The following CSMD3 variants were observed in gnomAD, a reference collection of about 807,000 sequenced individuals.
CSMD3 encodes CUB and Sushi multiple domains 3.
CSMD3 carries 177 observed loss-of-function variants against 435.2 expected under a neutral mutation model. That is an observed-to-expected ratio of 0.41 (90% confidence interval 0.36 to 0.46). The LOEUF is 0.46. Ranked by LOEUF, CSMD3 falls within the 20% of genes least tolerant of loss-of-function variation. The pLI, the probability that CSMD3 is intolerant of heterozygous loss-of-function variation, is 0.34. For synonymous variants in CSMD3, 1,656 were observed against 1,520.5 expected, an observed-to-expected ratio of 1.09 and a Z score of -2.07; for missense variants, 4,265 against 4,504.6, an observed-to-expected ratio of 0.95 and a Z score of 1.52.
intron 13 of CSMD3, among the ~76,000 whole-genome samples, chr8:112,741,812 G>GATAGATAGATAGATAA (rs1663522824): frequency 6.6e-6 from 1 of 151,744 alleles, no homozygotes. Context: ...TAGATAGATA[G>GATAGATAGATAGATAA]ATAGATAGAT....
chr8:112,902,638 G>A (rs2082137571), intron 10 of CSMD3, among the ~76,000 whole-genome samples: 3 of 151,222 alleles, frequency 2.0e-5, no homozygotes, highest in Non-Finnish European at 4.4e-5. Context: ...GCACTGGGCA[G>A]AATTCATTCT....
At chr8:112,283,184 T>C (rs568243380) in intron 58 of CSMD3, among the ~76,000 whole-genome samples, 4 of 152,156 alleles carry the variant, frequency 2.6e-5, no homozygotes, top group African/African-American at 9.6e-5. Flanking sequence ...ATGATGCTGA[T>C]AGCATACAAT....
intron 60 of CSMD3, among the ~76,000 whole-genome samples, chr8:112,264,679 T>C (rs1023489925): frequency 3.9e-5 from 6 of 152,124 alleles, no homozygotes; most frequent in Non-Finnish European, 7.4e-5. Flanking sequence ...GACAAACACA[T>C]TGAAATTATT....
At chr8:112,232,123 A>T (rs2129906671) in intron 68 of CSMD3, among the ~76,000 whole-genome samples, 1 of 152,272 alleles carries the variant, frequency 6.6e-6, no homozygotes, top group Non-Finnish European at 1.5e-5. Context: ...CTTAAGAGCC[A>T]TACTTCCCAT....
At chr8:112,757,675 G>A (rs982396774) in intron 13 of CSMD3, among the ~76,000 whole-genome samples, 2 of 152,110 alleles carry the variant, frequency 1.3e-5, no homozygotes, top group African/African-American at 4.8e-5. Context: ...CTTATGCACA[G>A]GAGAGGTGAT....
intron 1 of CSMD3, among the ~76,000 whole-genome samples, chr8:113,403,524 A>AT (rs1211434800): frequency 6.6e-6 from 1 of 151,328 alleles, no homozygotes; most frequent in African/African-American, 2.4e-5. Context: ...GACTCTTCCC[A>AT]TTTTCTCCTC....
chr8:112,638,884 T>G lies in CSMD3; in HGVS notation c.3338A>C (p.His1113Pro). The G allele has an allele frequency of 6.2e-7, 1 of 1,612,782 alleles. No homozygotes were observed. The highest frequency in any genetic ancestry group is 1.1e-5 in the South Asian group (1 of 91,040). The change falls in exon 21 of 71, where the codon CAT becomes CCT. Residue 1113 changes from histidine (H) to proline (P), a missense_variant. Coordinates refer to ENST00000297405, the MANE Select transcript of CSMD3 (RefSeq NM_198123.2). ...KGVQFNFHTFHLEDHHDYLLI... is the reference protein window; with the variant it reads ...KGVQFNFHTFPLEDHHDYLLI... ...TAAGTAGTCATGATGGTCTTCCAAA[T>G]GAAAAGTGTGGAAGTTGAACTGCAC...
chr8:112,449,141 C>A (rs1815977023), intron 32 of CSMD3, among the ~76,000 whole-genome samples: 1 of 152,118 alleles, frequency 6.6e-6, no homozygotes, highest in Admixed American at 6.6e-5. Flanking sequence ...CCAGCAGTAA[C>A]CTGAATTGGC....
At chr8:112,922,385 G>T (rs2082771222) in intron 9 of CSMD3, among the ~76,000 whole-genome samples, 1 of 151,628 alleles carries the variant, frequency 6.6e-6, no homozygotes, top group African/African-American at 2.4e-5. Context: ...ACATTCTTTT[G>T]GTTATTTTGA....
chr8:112,336,841 G>A lies in CSMD3; in HGVS notation c.6842-12C>T. ...CCCACCACAAAGAGCTACGGAAAAA[G>A]TCACAAAACAAAATAATATTTTAAA... On this transcript the variant is annotated splice_polypyrimidine_tract_variant and intron_variant, in intron 43 of 70. Coordinates refer to ENST00000297405, the MANE Select transcript of CSMD3 (RefSeq NM_198123.2). 4 of 1,606,176 alleles carry A rather than the reference G, an allele frequency of 2.5e-6. No homozygotes were observed. The highest frequency in any genetic ancestry group is 1.7e-4 in the Middle Eastern group (1 of 6,040).
chr8:113,175,733 C>A (rs896659966), intron 3 of CSMD3, among the ~76,000 whole-genome samples: 1 of 151,892 alleles, frequency 6.6e-6, no homozygotes, highest in South Asian at 2.1e-4. Flanking sequence ...GAATTCAATC[C>A]TCTGAATATA....
At chr8:112,443,622 A>G (rs2130526765) in intron 32 of CSMD3, among the ~76,000 whole-genome samples, 1 of 152,162 alleles carries the variant, frequency 6.6e-6, no homozygotes, top group Non-Finnish European at 1.5e-5. Context: ...TTATAAAAGA[A>G]GGGAAAAAAG....
At chr8:113,343,411 T>C (rs977869968) in intron 1 of CSMD3, among the ~76,000 whole-genome samples, 3 of 152,078 alleles carry the variant, frequency 2.0e-5, no homozygotes, top group Non-Finnish European at 4.4e-5. Context: ...AACATATCAA[T>C]ACAAATTGTC....
chr8:112,899,333 A>C (rs1397960492), intron 10 of CSMD3, among the ~76,000 whole-genome samples: 1 of 150,802 alleles, frequency 6.6e-6, no homozygotes, highest in Non-Finnish European at 1.5e-5. Flanking sequence ...AGTATCCAGA[A>C]CTAAACTGTG....
chr8:112,441,900 G>C (rs1008166984), intron 32 of CSMD3, among the ~76,000 whole-genome samples: 2 of 151,918 alleles, frequency 1.3e-5, no homozygotes, highest in African/African-American at 2.4e-5. Flanking sequence ...ATGAAATTTG[G>C]TGGGGACACA....
At chr8:113,105,292 T>C (rs2090442880) in intron 4 of CSMD3, among the ~76,000 whole-genome samples, 1 of 152,050 alleles carries the variant, frequency 6.6e-6, no homozygotes, top group Admixed American at 6.6e-5. Context: ...CTATTATCAC[T>C]TGGCTTTCTC....
At chr8:112,324,794 A>G (rs1823338091) in intron 45 of CSMD3, among the ~76,000 whole-genome samples, 1 of 152,012 alleles carries the variant, frequency 6.6e-6, no homozygotes, top group Admixed American at 6.6e-5. Context: ...TTAAAAGATC[A>G]CTCTGGCTGT....
intron 29 of CSMD3, among the ~76,000 whole-genome samples, chr8:112,506,479 T>C (rs1822531726): frequency 1.3e-5 from 2 of 152,078 alleles, no homozygotes; most frequent in South Asian, 4.1e-4. Context: ...GTTAGCTTCA[T>C]GCGGGAAAAT....
intron 3 of CSMD3, among the ~76,000 whole-genome samples, chr8:113,215,741 A>G (rs1003191129): frequency 6.6e-6 from 1 of 151,852 alleles, no homozygotes; most frequent in African/African-American, 2.4e-5. Flanking sequence ...TCTCTTCTGT[A>G]TTACACATTT....
Sources: gnomAD v4.1 joint callset for allele counts (sites outside exome capture counted in the v4.1 genomes callset) on GRCh38, gnomAD v4.1.1 for gene constraint, MANE v1.5 for transcripts, NCBI Gene and HGNC (gene_info 2026-07-23, HGNC 2026-07-21) for gene names.